DCAF6: variants seen among roughly 807,000 people sequenced by gnomAD.
DCAF6 encodes DDB1 and CUL4 associated factor 6.
In DCAF6, 54 loss-of-function variants were observed where a neutral mutation model predicts 125.1. The ratio of observed to expected loss-of-function variants is 0.43; its 90% CI spans 0.35 to 0.54. The LOEUF (loss-of-function observed/expected upper bound fraction) is 0.54, where lower values mean the gene tolerates loss of function less well. Among genes scored for constraint, DCAF6 ranks in the 20% least tolerant of loss-of-function variants. The pLI, the probability that DCAF6 is intolerant of heterozygous loss-of-function variation, is 0.01. For synonymous variants in DCAF6, 371 were observed against 390.4 expected, an observed-to-expected ratio of 0.95 and a Z score of 0.58; for missense variants, 934 against 1,161.7, an observed-to-expected ratio of 0.80 and a Z score of 2.85.
At chr1:167,899,513 C>A in the DCAF6 span, 50 of 1,614,096 alleles carry the variant, frequency 3.1e-5, no homozygotes, top group Non-Finnish European at 3.9e-5. Flanking sequence ...TAACATCATT[C>A]ATCTGAGCCA....
intron 4 of DCAF6, among the ~76,000 whole-genome samples, chr1:167,976,734 T>C (rs560813863): frequency 2.6e-5 from 4 of 152,240 alleles, no homozygotes; most frequent in African/African-American, 9.6e-5. Flanking sequence ...TATTCTGTTT[T>C]CTCTCATGAA....
chr1:167,999,107 T>A (rs552663712), intron 7 of DCAF6, among the ~76,000 whole-genome samples: 60 of 152,228 alleles, frequency 3.9e-4, no homozygotes, highest in African/African-American at 1.4e-3. Context: ...TGGGATACAA[T>A]GAAAATGTTA....
At chr1:167,961,903 T>C (rs1675661723) in intron 2 of DCAF6, among the ~76,000 whole-genome samples, 1 of 152,240 alleles carries the variant, frequency 6.6e-6, no homozygotes, top group Non-Finnish European at 1.5e-5. Flanking sequence ...TAATTAGTCT[T>C]GTTTTGATTT....
At chr1:167,985,640 A>G (rs1197641450) in intron 4 of DCAF6, among the ~76,000 whole-genome samples, 7 of 152,164 alleles carry the variant, frequency 4.6e-5, no homozygotes, top group Admixed American at 1.3e-4. Context: ...TATAAGGTAA[A>G]GTATTCGTAG....
chr1:167,903,011 T>C, the DCAF6 span, among the ~76,000 whole-genome samples: 2 of 152,122 alleles, frequency 1.3e-5, no homozygotes, highest in Non-Finnish European at 2.9e-5. Flanking sequence ...TCCCAGCACT[T>C]TGGGAGGCTG....
chr1:167,975,636 C>T (rs1357040279), intron 4 of DCAF6, among the ~76,000 whole-genome samples: 1 of 152,196 alleles, frequency 6.6e-6, no homozygotes, highest in Non-Finnish European at 1.5e-5. Flanking sequence ...GCTTCAAACT[C>T]CCAGGCTCAA....
Position 167,974,935 on chromosome 1 carries a change from A to G in DCAF6, c.358A>G (p.Ile120Val), listed in dbSNP as rs1347383259. Residue 120 changes from isoleucine (I) to valine (V), a missense_variant, in exon 4 of 22, where the codon ATA (isoleucine) becomes GTA (valine). Physicochemically the swap from Ile to Val is conservative, Grantham distance 29. Coordinates refer to ENST00000367840, the MANE Select transcript of DCAF6 (RefSeq NM_001198956.2). ...QIVSCSGDGV[I>V]FYTNVEQDAE... ...TGTATCCTGCTCTGGAGATGGAGTAATATTTTATACCAACGTTGAGCAAGA... is the reference window on the plus strand; with the variant it reads ...TGTATCCTGCTCTGGAGATGGAGTAGTATTTTATACCAACGTTGAGCAAGA... The G allele has an allele frequency of 1.2e-6, 2 of 1,610,076 alleles. No individual in the cohort carries two copies. Among genetic ancestry groups the G allele is most frequent in the South Asian group, 2.2e-5 (2 of 89,918 alleles).
At position 167,949,115 on chromosome 1, in the gene DCAF6, A is replaced by C. The variant is rs180841465; in HGVS notation, c.98-2685A>C. On this transcript the variant is annotated intron_variant, in intron 1 of 21. Transcript: ENST00000367840. ...CATGGGTCAATAAAGCAGTGTTCTTATGGAGTTTATAACCTATTAATATAA... is the reference window on the plus strand; with the variant it reads ...CATGGGTCAATAAAGCAGTGTTCTTCTGGAGTTTATAACCTATTAATATAA... Among the ~76,000 whole-genome samples the C allele has an allele frequency of 2.6e-5, 4 of 152,372 alleles. No individual in the cohort carries two copies. The East Asian group carries it at 7.7e-4, about 29-fold the overall frequency.
intron 1 of DCAF6, among the ~76,000 whole-genome samples, chr1:167,939,630 G>T (rs759871519): frequency 2.2e-4 from 34 of 152,168 alleles, no homozygotes; most frequent in Non-Finnish European, 4.4e-4. Flanking sequence ...GGGAGTGGTG[G>T]CGTACGCCTG....
the DCAF6 span, chr1:167,918,269 T>C: frequency 7.2e-7 from 1 of 1,387,490 alleles, no homozygotes; most frequent in Non-Finnish European, 1.0e-6. Flanking sequence ...AATAATAAAC[T>C]AGGTCCCAAT....
chr1:167,952,804 T>C (rs1034376835), intron 2 of DCAF6, among the ~76,000 whole-genome samples: 3 of 152,204 alleles, frequency 2.0e-5, no homozygotes, highest in Admixed American at 6.5e-5. Context: ...CATGTCCAGT[T>C]GCATGTCTAA....
chr1:168,024,098 TC>T (rs1359451357), intron 12 of DCAF6: 1 of 151,638 alleles, frequency 6.6e-6, no homozygotes, highest in Non-Finnish European at 1.5e-5. Flanking sequence ...ATGCCTGTAG[TC>T]CCAGCTAATA....
intron 2 of DCAF6, among the ~76,000 whole-genome samples, chr1:167,961,943 C>T (rs1401646870): frequency 2.0e-5 from 3 of 152,106 alleles, no homozygotes; most frequent in African/African-American, 7.2e-5. Flanking sequence ...TAAAATTTCT[C>T]TTGAGATTTC....
chr1:168,069,496 T>G (rs1692770061), intron 21 of DCAF6, among the ~76,000 whole-genome samples: 1 of 152,178 alleles, frequency 6.6e-6, no homozygotes, highest in Non-Finnish European at 1.5e-5. Flanking sequence ...CTTCTTACTG[T>G]AAGAACTGCA....
the DCAF6 span, chr1:167,901,767 G>C: frequency 1.2e-5 from 20 of 1,614,030 alleles, no homozygotes; most frequent in Admixed American, 3.3e-4. Context: ...TTTTTCAGCT[G>C]CTTTCGCTCC....
upstream of DCAF6, among the ~76,000 whole-genome samples, chr1:167,930,850 T>C (rs1388677197): frequency 6.6e-6 from 1 of 152,274 alleles, no homozygotes; most frequent in East Asian, 1.9e-4. Flanking sequence ...TTTCTTCTCC[T>C]TTAGCACATC....
At chr1:167,993,471 C>A (rs774620118) in intron 7 of DCAF6, 31 bp downstream of exon 7, 1 of 1,591,076 alleles carries the variant, frequency 6.3e-7, no homozygotes, top group South Asian at 1.1e-5. Flanking sequence ...GTCCTTTGGC[C>A]GGGCGCGGTG....
intron 1 of DCAF6, among the ~76,000 whole-genome samples, chr1:167,937,903 T>A (rs552232408): frequency 1.3e-5 from 2 of 152,276 alleles, no homozygotes; most frequent in African/African-American, 2.4e-5. Flanking sequence ...CATCATAAAA[T>A]TTTTTTCTTT....
the DCAF6 span, among the ~76,000 whole-genome samples, chr1:167,890,904 A>G: frequency 3.3e-5 from 5 of 152,210 alleles, no homozygotes; most frequent in Non-Finnish European, 5.9e-5. Flanking sequence ...ACATAAGGAC[A>G]CAATAAACTA....
Sources: allele counts gnomAD v4.1 joint callset (sites outside exome capture counted in the v4.1 genomes callset), GRCh38; gene constraint gnomAD v4.1.1; transcripts MANE v1.5; gene names NCBI Gene and HGNC (gene_info 2026-07-23, HGNC 2026-07-21).